MTCL1: variants seen among roughly 807,000 people sequenced by gnomAD.
The protein encoded by MTCL1 is microtubule crosslinking factor 1.
A neutral mutation model predicts 141.4 loss-of-function variants in MTCL1; 79 were observed. That is an observed-to-expected ratio of 0.56 (90% CI 0.47 to 0.67). MTCL1 has a LOEUF of 0.67. Ranked by LOEUF, MTCL1 falls within the 30% of genes least tolerant of loss-of-function variation. The pLI is 0.00. For missense variants in MTCL1, 2,177 were observed against 2,113.9 expected (o/e 1.03, Z -0.59); for synonymous variants, 914 against 875.8 (o/e 1.04, Z -0.77).
chr18:8,715,451 C>T (rs1459104893), upstream of MTCL1, among the ~76,000 whole-genome samples: 1 of 152,210 alleles, frequency 6.6e-6, no homozygotes, highest in African/African-American at 2.4e-5. Context: ...TTTCCATGAA[C>T]AGAATGGCCA....
intron 1 of MTCL1, among the ~76,000 whole-genome samples, chr18:8,710,031 G>T (rs182933823): frequency 2.6e-5 from 4 of 152,262 alleles, no homozygotes; most frequent in African/African-American, 9.6e-5. Flanking sequence ...GTAGAGACAG[G>T]GTTTCACCAT....
intron 8 of MTCL1, among the ~76,000 whole-genome samples, chr18:8,795,257 T>C (rs1158583699): frequency 6.6e-6 from 1 of 152,200 alleles, no homozygotes; most frequent in African/African-American, 2.4e-5. Context: ...TGAGAATTAA[T>C]CTAGTACTTT....
chr18:8,806,221 G>T (rs1229406803), intron 10 of MTCL1, among the ~76,000 whole-genome samples: 1 of 151,958 alleles, frequency 6.6e-6, no homozygotes, highest in Admixed American at 6.6e-5. Context: ...TTCACCTTTG[G>T]CTTTAATTAT....
Position 8,828,756 on chromosome 18 carries a change from G to A in MTCL1, c.4723-152G>A. On this transcript the variant is annotated intron_variant, in intron 15 of 16. Transcript: ENST00000359865. The surrounding 1 kb of genome is among the most constrained non-coding windows in gnomAD (Gnocchi z 5.2). Reference sequence around the variant, plus strand: ...TGGAGTGAATGTGCTAGATCTGAGAGCCCGCAAGTCTCTCCTGGTGGCTAC... The same window carrying A: ...TGGAGTGAATGTGCTAGATCTGAGAACCCGCAAGTCTCTCCTGGTGGCTAC... 7.7e-7 allele frequency: 1 copy of A among 1,300,068 alleles called. No individual in the cohort carries two copies. The highest frequency in any genetic ancestry group is 1.0e-6 in the Non-Finnish European group (1 of 954,564). 80.5% of individuals were successfully genotyped at this position (1,300,068 alleles called of 1,614,324 possible). A position where few individuals can be genotyped will look rare whatever the true frequency, so the allele number is the denominator to read the frequency against.
chr18:8,804,678 A>T (rs56007683), intron 10 of MTCL1, among the ~76,000 whole-genome samples: 3,861 of 152,308 alleles, frequency 0.025, 182 homozygotes, highest in African/African-American at 0.087. Flanking sequence ...AAATATGAAC[A>T]AACTGGCCTT....
intron 4 of MTCL1, among the ~76,000 whole-genome samples, chr18:8,732,980 A>T (rs1206172604): frequency 6.6e-6 from 1 of 152,210 alleles, no homozygotes; most frequent in Non-Finnish European, 1.5e-5. Flanking sequence ...TTGGGTGCGG[A>T]TGTGCTCTGG....
intron 4 of MTCL1, among the ~76,000 whole-genome samples, chr18:8,722,648 G>A (rs2096181016): frequency 6.6e-6 from 1 of 152,192 alleles, no homozygotes; most frequent in Admixed American, 6.5e-5. Flanking sequence ...AGGTCTTCAT[G>A]CTCATAGTCT....
In MTCL1 at chr18:8,786,110, T is replaced by TCCCCCCCCCCCA; in HGVS notation, c.1887+30_1887+31insACCCCCCCCCCC. ...CCTGGAGGTCAGCGTGGGCAAGCAA[T>TCCCCCCCCCCCA]CCCCCCCCCCCGCCCTCCCCCTCCT... On this transcript the variant is annotated intron_variant, in intron 7 of 16. Coordinates refer to ENST00000359865, the Ensembl canonical transcript of MTCL1. 396 of 1,310,306 alleles carry TCCCCCCCCCCCA rather than the reference T, an allele frequency of 3.0e-4. No homozygotes were observed. The highest frequency in any genetic ancestry group is 1.3e-3 in the South Asian group (104 of 77,204). 81.2% of individuals were successfully genotyped at this position (1,310,306 alleles called of 1,614,324 possible).
intron 10 of MTCL1, chr18:8,800,725 T>C (rs631126): frequency 0.71 from 108,741 of 152,190 alleles, 39,157 homozygotes; most frequent in Middle Eastern, 0.76. Flanking sequence ...CTAAGGCTGT[T>C]TATGCATTTC....
At chr18:8,785,608 T>C in intron 6 of MTCL1, 1 of 295,500 alleles carries the variant, frequency 3.4e-6, no homozygotes, top group Non-Finnish European at 6.3e-6. Context: ...TGCTTGCGGT[T>C]GAGTTCTGGA....
chr18:8,815,124 A>G (rs1034834740), intron 12 of MTCL1, among the ~76,000 whole-genome samples: 6 of 152,220 alleles, frequency 3.9e-5, no homozygotes, highest in African/African-American at 7.2e-5. Flanking sequence ...ATTACTGGGT[A>G]TATACCGAAA....
chr18:8,803,753 G>A (rs564842075), intron 10 of MTCL1, among the ~76,000 whole-genome samples: 15 of 152,204 alleles, frequency 9.9e-5, no homozygotes, highest in Non-Finnish European at 2.1e-4. Flanking sequence ...ATAGAGCACT[G>A]TTTTGATTAC....
chr18:8,744,593 T>C (rs751941384), intron 4 of MTCL1, among the ~76,000 whole-genome samples: 4 of 152,056 alleles, frequency 2.6e-5, no homozygotes, highest in Non-Finnish European at 4.4e-5. Flanking sequence ...TTTTATCTTC[T>C]TTCTGTTTTT....
chr18:8,737,983 G>A (rs1461382668), intron 4 of MTCL1, among the ~76,000 whole-genome samples: 1 of 152,134 alleles, frequency 6.6e-6, no homozygotes, highest in Non-Finnish European at 1.5e-5. Flanking sequence ...ATCAACATAT[G>A]TTTTCATTTT....
In MTCL1 at chr18:8,788,325, C is replaced by T. The variant is rs150420157; in HGVS notation, c.1887+2234C>T. Among the ~76,000 whole-genome samples, 750 of 152,116 alleles carry T rather than the reference C, an allele frequency of 4.9e-3. 7 individuals carry two copies. Among genetic ancestry groups the T allele is most frequent in the African/African-American group, 0.017 (687 of 41,464 alleles). ...CCACGACTCTACCTGTGTGGATCCC[C>T]TTTAGCTCTCTGCCCGTAGCTCCTC... On this transcript the variant is annotated intron_variant, in intron 7 of 16. Transcript: ENST00000359865.
chr18:8,710,264 G>A (rs1272985699), intron 1 of MTCL1, among the ~76,000 whole-genome samples: 1 of 152,180 alleles, frequency 6.6e-6, no homozygotes, highest in Non-Finnish European at 1.5e-5. Context: ...TCATCAAATG[G>A]TGCCTGGGTG....
intron 7 of MTCL1, 106 bp downstream of exon 6, chr18:8,786,197 CAGG>C (rs1568035840): frequency 1.6e-6 from 2 of 1,289,508 alleles, no homozygotes; most frequent in South Asian, 1.3e-5. Context: ...GGGAACATGG[CAGG>C]AGGAGGTGGA....
intron 4 of MTCL1, among the ~76,000 whole-genome samples, chr18:8,764,688 A>T (rs547222742): frequency 6.3e-4 from 96 of 151,934 alleles, no homozygotes; most frequent in African/African-American, 1.9e-3. Context: ...CTGGATTTGG[A>T]TGTGAGCATC....
chr18:8,827,518 A>G (rs1483233953), intron 15 of MTCL1, among the ~76,000 whole-genome samples: 2 of 152,192 alleles, frequency 1.3e-5, no homozygotes, highest in East Asian at 1.9e-4. Context: ...AGTTGTTTGC[A>G]TGCTCTGAGG....
Sources: gnomAD v4.1 joint callset for allele counts (sites outside exome capture counted in the v4.1 genomes callset) on GRCh38, gnomAD v4.1.1 for gene constraint, Gnocchi (gnomAD v3.1) non-coding constraint, MANE v1.5 for transcripts, NCBI Gene and HGNC (gene_info 2026-07-23, HGNC 2026-07-21) for gene names.